The following CRISP1 variants were observed in gnomAD, a reference collection of about 807,000 sequenced individuals.
CRISP1 encodes cysteine rich secretory protein 1, also known as cysteine-rich secretory protein 1.
Under a neutral mutation model 33.1 loss-of-function variants are expected in CRISP1, and 44 were observed. The ratio of observed to expected loss-of-function variants is 1.33; its 90% CI spans 1.05 to 1.71. The LOEUF is 1.71. CRISP1 is among the 40% of genes most tolerant of loss of function. The pLI is 0.00. For missense variants in CRISP1, 390 were observed against 301.2 expected (o/e 1.29, Z -2.18); for synonymous variants, 103 against 98.7 (o/e 1.04, Z -0.26).
chr6:49,839,088 G>T (rs959849255), intron 6 of CRISP1, among the ~76,000 whole-genome samples: 1 of 151,810 alleles, frequency 6.6e-6, no homozygotes, highest in Admixed American at 6.6e-5. Flanking sequence ...AAAGTGCTGG[G>T]GTGTGGGAAA....
At chr6:49,876,638 T>G (rs1772041297) in intron 1 of CRISP1, among the ~76,000 whole-genome samples, 1 of 152,030 alleles carries the variant, frequency 6.6e-6, no homozygotes, top group South Asian at 2.1e-4. Flanking sequence ...TCAACTTAAA[T>G]GCCCATCAAT....
In CRISP1 at chr6:49,835,379, G is replaced by C; in HGVS notation, c.687C>G (p.Cys229Trp). ...AGAATAGGATAGTTGTTGAGTGGTT[G>C]CATCCCAGATAATGGACTTGTATGT... ...DCDIQVHYLG[C>W]NHSTTILFCK... The change falls in exon 8 of 8, where the codon TGC (cysteine) becomes TGG (tryptophan). Residue 229 changes from cysteine to tryptophan, a missense_variant. Transcript: ENST00000335847. 1 of 1,613,342 alleles carries C rather than the reference G, an allele frequency of 6.2e-7. No individual in the cohort carries two copies. Among genetic ancestry groups the C allele is most frequent in the African/African-American group, 1.3e-5 (1 of 75,036 alleles).
At chr6:49,854,517 C>A (rs755407929) in intron 2 of CRISP1, among the ~76,000 whole-genome samples, 6 of 152,152 alleles carry the variant, frequency 3.9e-5, no homozygotes, top group Non-Finnish European at 8.8e-5. Flanking sequence ...CAGGTGTGCA[C>A]CACCATTACT....
upstream of CRISP1, chr6:49,866,553 G>T (rs1176684133): frequency 1.3e-5 from 2 of 152,082 alleles, no homozygotes; most frequent in Non-Finnish European, 2.9e-5. Context: ...TCAGTACAAG[G>T]TAAATGCCTA....
rs573029543 is a variant in CRISP1, at chr6:49,866,219, G to C, written c.-3+210C>G. ...AAGTTCATGAGAATGAACTCAACATGTAATATTACTTTATATTTGGATAGT... is the reference window on the plus strand; with the variant it reads ...AAGTTCATGAGAATGAACTCAACATCTAATATTACTTTATATTTGGATAGT... On this transcript the variant is annotated intron_variant, in intron 1 of 7. Transcript: ENST00000335847. 2.6e-5 allele frequency among the ~76,000 whole-genome samples: 4 copies of C among 152,156 alleles called. 1 individual carries two copies. In the South Asian group the frequency reaches 8.3e-4, roughly 32 times the overall value.
chr6:49,846,424 A>G, intron 5 of CRISP1, 96 bp downstream of exon 5: 1 of 1,272,684 alleles, frequency 7.9e-7, no homozygotes. Context: ...AGATTGCCAT[A>G]AGAAGGTAGA....
upstream of CRISP1, among the ~76,000 whole-genome samples, chr6:49,869,777 G>A (rs2786834): frequency 1 from 152,303 of 152,304 alleles, 76,151 homozygotes; most frequent in Non-Finnish European, 1. Flanking sequence ...CAAAGTTTAT[G>A]TGTTGGAACC....
At chr6:49,861,421 G>A (rs905407094) in intron 1 of CRISP1, among the ~76,000 whole-genome samples, 1 of 152,110 alleles carries the variant, frequency 6.6e-6, no homozygotes, top group African/African-American at 2.4e-5. Context: ...GGGATTTATA[G>A]CAGGGATGCA....
chr6:49,836,361 A>G (rs1177238725), intron 7 of CRISP1, among the ~76,000 whole-genome samples: 1 of 148,718 alleles, frequency 6.7e-6, no homozygotes, highest in Non-Finnish European at 1.5e-5. Context: ...TTTGAGACGG[A>G]GTCTCGCTCT....
In CRISP1 at chr6:49,848,284, C is replaced by G. The variant is rs150372078; in HGVS notation, c.211G>C (p.Ala71Pro). 24 of 1,602,046 alleles carry G rather than the reference C, an allele frequency of 1.5e-5. No individual in the cohort carries two copies. The South Asian group carries it at 1.7e-4, about 11-fold the overall frequency. The change falls in exon 4 of 8, where the codon GCT (alanine) becomes CCT (proline). Residue 71 changes from alanine (A) to proline (P), a missense_variant. Ala to Pro is a conservative substitution (Grantham distance 27). Transcript: ENST00000335847. ...NMLKMSWSEE[A>P]AQNARIFSKY... ...GAAAAAATTCTGGCATTTTGTGCAG[C>G]CTCTTCACTCCAACTCTGTAGTGGA...
intron 7 of CRISP1, among the ~76,000 whole-genome samples, chr6:49,837,191 T>C (rs1031427196): frequency 7.2e-5 from 11 of 152,186 alleles, no homozygotes; most frequent in Admixed American, 3.3e-4. Context: ...GCCCAATATG[T>C]TCAATTCTTA....
chr6:49,837,557 A>G (rs533743455), intron 7 of CRISP1, among the ~76,000 whole-genome samples: 1 of 152,218 alleles, frequency 6.6e-6, no homozygotes, highest in East Asian at 1.9e-4. Flanking sequence ...CAGATAGAGA[A>G]GTAAATAAAA....
chr6:49,848,262 A>T lies in CRISP1; in HGVS notation c.233T>A (p.Phe78Tyr). The T allele has an allele frequency of 6.2e-7, 1 of 1,609,082 alleles. No individual in the cohort carries two copies. Among genetic ancestry groups the T allele is most frequent in the Non-Finnish European group, 8.5e-7 (1 of 1,178,034 alleles). The change falls in exon 4 of 8, where the codon TTT becomes TAT. Residue 78 changes from phenylalanine to tyrosine, a missense_variant. Phe to Tyr is a conservative substitution (Grantham distance 22, BLOSUM62 3). Transcript: ENST00000335847. Reference protein sequence around the residue: ...SEEAAQNARIFSKYCDMTESN... With the variant: ...SEEAAQNARIYSKYCDMTESN... The stretch of plus-strand genomic sequence containing the variant: ...CTCTGTCATATCACAATACTTTGAA[A>T]AAATTCTGGCATTTTGTGCAGCCTC...
intron 5 of CRISP1, among the ~76,000 whole-genome samples, chr6:49,845,016 T>C (rs961919983): frequency 6.6e-6 from 1 of 152,156 alleles, no homozygotes; most frequent in African/African-American, 2.4e-5. Context: ...CGAATCTATT[T>C]TGCATGTGAG....
At chr6:49,844,458 T>G (rs1008752134) in intron 5 of CRISP1, among the ~76,000 whole-genome samples, 1 of 152,156 alleles carries the variant, frequency 6.6e-6, no homozygotes, top group African/African-American at 2.4e-5. Flanking sequence ...CCACTACAGG[T>G]CCAGGGAGCA....
chr6:49,836,835 A>T (rs1054747086), intron 7 of CRISP1, among the ~76,000 whole-genome samples: 2 of 152,118 alleles, frequency 1.3e-5, no homozygotes, highest in African/African-American at 2.4e-5. Flanking sequence ...GAGCAATTGT[A>T]TATTTGATAG....
At chr6:49,867,906 C>T (rs568478573), upstream of CRISP1, among the ~76,000 whole-genome samples, 15 of 152,168 alleles carry the variant, frequency 9.9e-5, no homozygotes, top group South Asian at 1.0e-3. Context: ...AAGAAAGCTG[C>T]AAAAGAATGC....
chr6:49,876,925 C>T (rs12198389), intron 1 of CRISP1: 14,731 of 151,684 alleles, frequency 0.097, 998 homozygotes, highest in Non-Finnish European at 0.15. Context: ...GAAGAATAGC[C>T]AATGGATGCT....
chr6:49,859,854 T>C (rs1771599679), intron 1 of CRISP1, among the ~76,000 whole-genome samples: 1 of 152,174 alleles, frequency 6.6e-6, no homozygotes, highest in Admixed American at 6.5e-5. Context: ...AACTGTATTC[T>C]GTCTATAAGA....
Sources: allele counts gnomAD v4.1 joint callset (sites outside exome capture counted in the v4.1 genomes callset), GRCh38; gene constraint gnomAD v4.1.1; transcripts MANE v1.5; gene names NCBI Gene and HGNC (gene_info 2026-07-23, HGNC 2026-07-21).